Variants in FOXP2 observed in about 807,000 individuals in gnomAD.
FOXP2 encodes forkhead box protein P2.
FOXP2 carries 12 observed loss-of-function variants against 115.8 expected under a neutral mutation model. That is an observed-to-expected ratio of 0.10 (90% CI 0.07 to 0.17). The LOEUF is 0.17. Ranked by LOEUF, FOXP2 falls within the 10% of genes least tolerant of loss-of-function variation. The probability of loss-of-function intolerance (pLI) is 1.00; values close to 1 mark genes in which losing one functional copy is unlikely to be tolerated. For missense variants in FOXP2, 629 were observed against 843.5 expected, an observed-to-expected ratio of 0.75 and a Z score of 3.15; for synonymous variants, 328 against 297.7, an observed-to-expected ratio of 1.10 and a Z score of -1.05.
intron 1 of FOXP2, among the ~76,000 whole-genome samples, chr7:114,218,094 C>G (rs543838217): frequency 3.2e-4 from 48 of 152,254 alleles, no homozygotes; most frequent in African/African-American, 1.1e-3. Flanking sequence ...CTCTATTAGA[C>G]TGTGAGGACT....
rs544273099 is a variant in FOXP2 at position 114,113,773 on chromosome 7, G to A, written c.-247+25935G>A. On this transcript the variant is annotated intron_variant, in intron 1 of 19. Transcript: ENST00000635638. ...CCTGCCTTGACCTCCCAAAGTGCTG[G>A]GTTAAGGTGTGGGCCACCACTCCTG... Among the ~76,000 whole-genome samples the A allele has an allele frequency of 5.3e-5, 8 of 152,036 alleles. No individual in the cohort carries two copies. In the South Asian group the frequency reaches 6.2e-4, roughly 12 times the overall value.
chr7:114,099,498 T>C (rs1799728560), intron 1 of FOXP2, among the ~76,000 whole-genome samples: 1 of 152,202 alleles, frequency 6.6e-6, no homozygotes, highest in Admixed American at 6.5e-5. Context: ...AACTATCATA[T>C]GACCCACAAA....
chr7:114,115,068 A>T (rs1791366233), intron 1 of FOXP2, among the ~76,000 whole-genome samples: 1 of 152,048 alleles, frequency 6.6e-6, no homozygotes, highest in South Asian at 2.1e-4. Flanking sequence ...TTATAACTTC[A>T]GTCCGTCTAC....
At chr7:114,516,213 T>A (rs1296344723) in intron 2 of FOXP2, among the ~76,000 whole-genome samples, 1 of 152,102 alleles carries the variant, frequency 6.6e-6, no homozygotes, top group East Asian at 1.9e-4. Flanking sequence ...AAAACAGAGA[T>A]ATAGATCAAT....
chr7:114,623,616 CT>C (rs1804372842), intron 3 of FOXP2, among the ~76,000 whole-genome samples: 1 of 151,868 alleles, frequency 6.6e-6, no homozygotes, highest in Admixed American at 6.6e-5. Flanking sequence ...TATGAGCAGT[CT>C]GGTTTTCACC....
intron 1 of FOXP2, among the ~76,000 whole-genome samples, chr7:114,121,016 G>A (rs1167994440): frequency 6.6e-6 from 1 of 151,992 alleles, no homozygotes; most frequent in Non-Finnish European, 1.5e-5. Flanking sequence ...AGGAAAAGTA[G>A]GAGGTGAAGC....
chr7:114,336,444 C>G (rs1797856087), intron 2 of FOXP2, among the ~76,000 whole-genome samples: 1 of 151,398 alleles, frequency 6.6e-6, no homozygotes. Flanking sequence ...TAAAGTAGAA[C>G]TAACTATTCT....
chr7:114,226,155 A>G (rs1163257092), intron 1 of FOXP2, among the ~76,000 whole-genome samples: 1 of 152,220 alleles, frequency 6.6e-6, no homozygotes, highest in African/African-American at 2.4e-5. Context: ...GTGACACTGA[A>G]GCACACCTTA....
chr7:114,370,467 T>C lies in FOXP2; in HGVS notation c.-10-56035T>C, dbSNP rs117701885. 4.6e-3 allele frequency among the ~76,000 whole-genome samples: 695 copies of C among 152,346 alleles called. 8 individuals are homozygous for C. Among genetic ancestry groups the C allele is most frequent in the Non-Finnish European group, 7.4e-3 (501 of 68,034 alleles). ...TCTGTTCCTAGCCTCGTTTATGTAA[T>C]TGATGTCTGGTGGCCTCATTATGGA... On this transcript the variant is annotated intron_variant, in intron 2 of 17. Transcript: ENST00000634411.
At chr7:114,274,678 G>A (rs1045666827) in intron 1 of FOXP2, among the ~76,000 whole-genome samples, 25 of 126,756 alleles carry the variant, frequency 2.0e-4, no homozygotes, top group Admixed American at 4.2e-4. Context: ...GCAGTGGCAC[G>A]ATCTCGGCTC....
At chr7:114,613,648 C>T (rs1803757621) in intron 3 of FOXP2, 1 of 149,046 alleles carries the variant, frequency 6.7e-6, no homozygotes, top group African/African-American at 2.5e-5. Flanking sequence ...GCACTCCAGC[C>T]TGGGCGACAG....
intron 16 of FOXP2, among the ~76,000 whole-genome samples, chr7:114,671,183 C>T (rs1172048273): frequency 6.6e-6 from 1 of 151,974 alleles, no homozygotes; most frequent in Non-Finnish European, 1.5e-5. Flanking sequence ...TATGCCAGCT[C>T]TTTATCATCT....
At position 114,675,559 on chromosome 7, in the gene FOXP2, A is replaced by G. The variant is rs72603575; in HGVS notation, c.2003+11123A>G. Reference sequence around the variant, plus strand: ...TTGGAACTAATTTGAATGAAAATTTATTCAATCACGTATGAAATTGATAAA... The same window carrying G: ...TTGGAACTAATTTGAATGAAAATTTGTTCAATCACGTATGAAATTGATAAA... On this transcript the variant is annotated intron_variant, in intron 16 of 16. Transcript: ENST00000350908. 0.033 allele frequency among the ~76,000 whole-genome samples: 5,061 copies of G among 152,276 alleles called. 419 individuals carry two copies. The East Asian group carries it at 0.35, about 10-fold the overall frequency.
At chr7:114,382,560 T>G (rs1392166720) in intron 2 of FOXP2, among the ~76,000 whole-genome samples, 1 of 152,126 alleles carries the variant, frequency 6.6e-6, no homozygotes, top group Non-Finnish European at 1.5e-5. Flanking sequence ...ACCTCCAAAG[T>G]CTGCTTGCCT....
chr7:114,229,077 C>G (rs1794809892), intron 1 of FOXP2, among the ~76,000 whole-genome samples: 1 of 150,728 alleles, frequency 6.6e-6, no homozygotes, highest in Non-Finnish European at 1.5e-5. Context: ...TAAATCATGA[C>G]AAAAAGAGAC....
chr7:114,457,328 T>G (rs1445460765), intron 2 of FOXP2, among the ~76,000 whole-genome samples: 4 of 152,146 alleles, frequency 2.6e-5, no homozygotes, highest in African/African-American at 9.7e-5. Flanking sequence ...AAATGAATAT[T>G]TATTTCTTTA....
chr7:114,369,231 C>T (rs1791948319), intron 2 of FOXP2, among the ~76,000 whole-genome samples: 1 of 152,212 alleles, frequency 6.6e-6, no homozygotes, highest in Non-Finnish European at 1.5e-5. Flanking sequence ...ACTTCCGTCA[C>T]ATTCTATTTG....
chr7:114,196,446 T>C (rs1584538331), intron 1 of FOXP2, among the ~76,000 whole-genome samples: 1 of 152,208 alleles, frequency 6.6e-6, no homozygotes, highest in African/African-American at 2.4e-5. Context: ...TAAACTATAT[T>C]GGAGAAAAAT....
intron 1 of FOXP2, among the ~76,000 whole-genome samples, chr7:114,203,907 A>T (rs758818721): frequency 5.3e-5 from 8 of 152,156 alleles, no homozygotes; most frequent in Non-Finnish European, 1.0e-4. Flanking sequence ...GGAATTAATC[A>T]CTGCCATGGT....
Sources: allele counts gnomAD v4.1 joint callset (sites outside exome capture counted in the v4.1 genomes callset), GRCh38; gene constraint gnomAD v4.1.1; transcripts MANE v1.5; gene names NCBI Gene and HGNC (gene_info 2026-07-23, HGNC 2026-07-21).